The following CNTNAP5 variants were observed in gnomAD, a reference collection of about 807,000 sequenced individuals.
CNTNAP5 encodes contactin-associated protein-like 5.
In CNTNAP5, 72 loss-of-function variants were observed where a neutral mutation model predicts 150.2. The observed-to-expected ratio is 0.48, with a 90% CI of 0.40 to 0.58. The LOEUF (loss-of-function observed/expected upper bound fraction) is 0.58. CNTNAP5 is among the 20% of genes least tolerant of loss of function. The pLI, the probability that CNTNAP5 is intolerant of heterozygous loss-of-function variation, is 0.00. For synonymous variants in CNTNAP5, 672 were observed against 619.8 expected (o/e 1.08, Z -1.25); for missense variants, 1,636 against 1,626.2 (o/e 1.01, Z -0.10).
At position 124,918,693 on chromosome 2, in the gene CNTNAP5, C is replaced by T. The variant is rs1297187749; in HGVS notation, c.*4405C>T. ...ATTGCAGCTGTAGCCTACCAAAAGGCCTTTGGGATACCTGTATGGTTCTGC... is the reference window on the plus strand; with the variant it reads ...ATTGCAGCTGTAGCCTACCAAAAGGTCTTTGGGATACCTGTATGGTTCTGC... On this transcript the variant is annotated 3_prime_UTR_variant, in exon 24 of 24. Transcript: ENST00000682447. Among the ~76,000 whole-genome samples, 2 of 152,208 alleles carry T rather than the reference C, an allele frequency of 1.3e-5. No individual in the cohort carries two copies. Among genetic ancestry groups the T allele is most frequent in the South Asian group, 2.1e-4 (1 of 4,826 alleles).
chr2:124,477,876 G>T (rs1036959024), intron 7 of CNTNAP5, among the ~76,000 whole-genome samples: 1 of 151,940 alleles, frequency 6.6e-6, no homozygotes, highest in African/African-American at 2.4e-5. Flanking sequence ...AAATATTAAA[G>T]GGCATCACTA....
At chr2:124,125,550 G>C (rs983407083) in intron 1 of CNTNAP5, among the ~76,000 whole-genome samples, 2 of 152,128 alleles carry the variant, frequency 1.3e-5, no homozygotes, top group African/African-American at 4.8e-5. Context: ...ACTCAGATCT[G>C]CACCAAGTGG....
chr2:124,620,621 G>A (rs570437904), intron 12 of CNTNAP5, among the ~76,000 whole-genome samples: 9 of 151,988 alleles, frequency 5.9e-5, no homozygotes, highest in Middle Eastern at 3.4e-3. Flanking sequence ...GATGGCCTTG[G>A]ATAAATCATC....
At chr2:124,539,541 T>G (rs542127253) in intron 10 of CNTNAP5, among the ~76,000 whole-genome samples, 1 of 152,334 alleles carries the variant, frequency 6.6e-6, no homozygotes, top group Admixed American at 6.5e-5. Context: ...ACACAATGAA[T>G]ATGTCACTTC....
chr2:124,116,299 TG>T (rs1240153201), intron 1 of CNTNAP5, among the ~76,000 whole-genome samples: 1 of 152,044 alleles, frequency 6.6e-6, no homozygotes, highest in Non-Finnish European at 1.5e-5. Flanking sequence ...TATACAAGGG[TG>T]TGAATCCTGC....
chr2:124,196,071 T>G (rs991963487), intron 1 of CNTNAP5, among the ~76,000 whole-genome samples: 4 of 99,426 alleles, frequency 4.0e-5, no homozygotes, highest in Non-Finnish European at 7.4e-5. Flanking sequence ...AAAATAGCAG[T>G]TTTTTTTTTC....
At chr2:124,139,949 A>C (rs1684070254) in intron 1 of CNTNAP5, among the ~76,000 whole-genome samples, 1 of 152,140 alleles carries the variant, frequency 6.6e-6, no homozygotes, top group Non-Finnish European at 1.5e-5. Flanking sequence ...GCACGAGCCG[A>C]AGCAGGGCGA....
intron 19 of CNTNAP5, among the ~76,000 whole-genome samples, chr2:124,822,137 T>C (rs1314119521): frequency 6.6e-6 from 1 of 152,176 alleles, no homozygotes; most frequent in Admixed American, 6.5e-5. Context: ...TACCCCTGAA[T>C]GATCCTTGGT....
chr2:124,510,543 A>C (rs2104871458), intron 8 of CNTNAP5, among the ~76,000 whole-genome samples: 1 of 147,284 alleles, frequency 6.8e-6, no homozygotes, highest in African/African-American at 2.5e-5. Flanking sequence ...ATATCAACAC[A>C]CACACACCAA....
intron 12 of CNTNAP5, among the ~76,000 whole-genome samples, chr2:124,625,816 C>A (rs1418442045): frequency 6.6e-6 from 1 of 152,196 alleles, no homozygotes; most frequent in Non-Finnish European, 1.5e-5. Flanking sequence ...CACAAAGGAC[C>A]TCACACTGTA....
intron 3 of CNTNAP5, among the ~76,000 whole-genome samples, chr2:124,410,374 C>A (rs560059330): frequency 4.0e-5 from 6 of 151,738 alleles, no homozygotes; most frequent in Non-Finnish European, 5.9e-5. Context: ...CTGCACCAAG[C>A]GGACCTAATA....
At chr2:124,706,787 A>AGAAGAAGAAGAAGAAGAG in intron 13 of CNTNAP5, among the ~76,000 whole-genome samples, 1 of 36,030 alleles carries the variant, frequency 2.8e-5, no homozygotes, top group Non-Finnish European at 5.7e-5. Flanking sequence ...AAGAAGAAGA[A>AGAAGAAGAAGAAGAAGAG]GAAGAAGAAG....
At chr2:124,510,460 G>C (rs1392692246) in intron 8 of CNTNAP5, among the ~76,000 whole-genome samples, 1 of 87,400 alleles carries the variant, frequency 1.1e-5, no homozygotes. Flanking sequence ...AAACAAAAAA[G>C]TAAATTTTAT....
intron 1 of CNTNAP5, among the ~76,000 whole-genome samples, chr2:124,041,388 T>C (rs765915728): frequency 7.2e-5 from 11 of 152,130 alleles, no homozygotes; most frequent in Non-Finnish European, 1.2e-4. Context: ...AAAGTCTCAT[T>C]TTACACACCA....
At chr2:124,028,070 T>C (rs1680946630) in intron 1 of CNTNAP5, among the ~76,000 whole-genome samples, 1 of 152,204 alleles carries the variant, frequency 6.6e-6, no homozygotes, top group Non-Finnish European at 1.5e-5. Context: ...TTTCAAATAG[T>C]CACTTTATAA....
intron 19 of CNTNAP5, among the ~76,000 whole-genome samples, chr2:124,845,721 G>A (rs1377169724): frequency 6.6e-6 from 1 of 151,982 alleles, no homozygotes; most frequent in Non-Finnish European, 1.5e-5. Context: ...TAGGACGGTT[G>A]TGTATTTCCA....
At chr2:124,721,795 A>G (rs542254741) in intron 13 of CNTNAP5, among the ~76,000 whole-genome samples, 36 of 152,184 alleles carry the variant, frequency 2.4e-4, no homozygotes, top group Non-Finnish European at 1.9e-4. Context: ...TAGGGTTGCC[A>G]TAACAAAATG....
chr2:124,849,296 T>TTTA, intron 19 of CNTNAP5, among the ~76,000 whole-genome samples: 1 of 152,248 alleles, frequency 6.6e-6, no homozygotes, highest in Non-Finnish European at 1.5e-5. Context: ...AATGTATAGG[T>TTTA]TTATTTCTGG....
chr2:124,882,628 C>A (rs1677987470), intron 21 of CNTNAP5, among the ~76,000 whole-genome samples: 1 of 152,062 alleles, frequency 6.6e-6, no homozygotes, highest in Admixed American at 6.6e-5. Context: ...AGAGAGAAGT[C>A]CTGCAAATAT....
Sources: gnomAD v4.1 joint callset for allele counts (sites outside exome capture counted in the v4.1 genomes callset) on GRCh38, gnomAD v4.1.1 for gene constraint, MANE v1.5 for transcripts, NCBI Gene and HGNC (gene_info 2026-07-23, HGNC 2026-07-21) for gene names.